SCAPER: variants seen among roughly 807,000 people sequenced by gnomAD.
SCAPER encodes the protein S phase cyclin A-associated protein in the endoplasmic reticulum.
In SCAPER, 98 loss-of-function variants were observed where a neutral mutation model predicts 182.2. The ratio of observed to expected loss-of-function variants is 0.54; its 90% CI spans 0.46 to 0.64. SCAPER has a LOEUF of 0.64. Ranked by LOEUF, SCAPER falls within the 30% of genes least tolerant of loss-of-function variation. The probability of loss-of-function intolerance (pLI) is 0.00; values close to 1 mark genes in which losing one functional copy is unlikely to be tolerated. For missense variants in SCAPER, 1,432 were observed against 1,690.0 expected, an observed-to-expected ratio of 0.85 and a Z score of 2.68; for synonymous variants, 605 against 564.6, an observed-to-expected ratio of 1.07 and a Z score of -1.01.
intron 21 of SCAPER, among the ~76,000 whole-genome samples, chr15:76,633,750 C>A (rs769663391): frequency 4.6e-5 from 7 of 152,188 alleles, no homozygotes; most frequent in Non-Finnish European, 8.8e-5. Context: ...TGCTCCCTGT[C>A]CAAAATGCCC....
intron 2 of SCAPER, among the ~76,000 whole-genome samples, chr15:76,874,495 CAA>C (rs1315082065): frequency 2.0e-5 from 3 of 146,680 alleles, no homozygotes; most frequent in Non-Finnish European, 4.5e-5. Flanking sequence ...AAAAAAAAAA[CAA>C]AAGTGAGTTA....
intron 25 of SCAPER, 104 bp from the exon 26 acceptor site, chr15:76,434,414 A>G (rs965080991): frequency 1.2e-6 from 1 of 845,296 alleles, no homozygotes; most frequent in Non-Finnish European, 1.8e-6. Flanking sequence ...TTGACAATCT[A>G]AAATGTTCAA....
intron 26 of SCAPER, among the ~76,000 whole-genome samples, chr15:76,427,593 C>A (rs535313034): frequency 8.1e-4 from 123 of 152,206 alleles, no homozygotes; most frequent in African/African-American, 2.8e-3. Flanking sequence ...TGCTTGTAAT[C>A]CTAGCACTTT....
At chr15:76,886,736 G>C (rs551360063) in intron 1 of SCAPER, among the ~76,000 whole-genome samples, 199 of 152,266 alleles carry the variant, frequency 1.3e-3, no homozygotes, top group Non-Finnish European at 1.8e-3. Flanking sequence ...CAATAGCAAA[G>C]ACATGGAATC....
chr15:76,621,896 G>C, intron 21 of SCAPER, 67 bp from the exon 22 acceptor site: 1 of 1,162,898 alleles, frequency 8.6e-7, no homozygotes, highest in Non-Finnish European at 1.2e-6. Flanking sequence ...CAAAATGTTG[G>C]CTGTATTTTT....
chr15:76,877,294 T>C (rs565760135), intron 2 of SCAPER, among the ~76,000 whole-genome samples: 1 of 151,370 alleles, frequency 6.6e-6, no homozygotes, highest in South Asian at 2.1e-4. Context: ...TAAATAATGA[T>C]TATGTTAGAT....
At chr15:76,627,455 CCT>C (rs914401195) in intron 21 of SCAPER, among the ~76,000 whole-genome samples, 34 of 152,106 alleles carry the variant, frequency 2.2e-4, no homozygotes, top group Admixed American at 3.3e-4. Context: ...AACCACACCC[CCT>C]GACAGGCCCC....
At position 76,879,581 on chromosome 15, in the gene SCAPER, A is replaced by G. The variant is rs147597110; in HGVS notation, c.6+4231T>C. Among the ~76,000 whole-genome samples, 97 of 152,340 alleles carry G rather than the reference A, an allele frequency of 6.4e-4. 2 individuals carry two copies. The highest frequency in any genetic ancestry group is 2.2e-3 in the African/African-American group (90 of 41,576). On this transcript the variant is annotated intron_variant, in intron 2 of 31. Transcript: ENST00000563290. ...AGACAGCAAGCCTTAAAATAATGGC[A>G]ACAGAACAGAAGCCAGAGTAAGTGG...
chr15:76,596,991 T>C (rs2049559069), intron 22 of SCAPER, among the ~76,000 whole-genome samples: 1 of 121,584 alleles, frequency 8.2e-6, no homozygotes. Context: ...ATAAAGAGTA[T>C]TCAAATAGGA....
chr15:76,765,859 A>G (rs543591854), intron 11 of SCAPER, among the ~76,000 whole-genome samples: 22 of 152,362 alleles, frequency 1.4e-4, no homozygotes, highest in African/African-American at 5.3e-4. Flanking sequence ...TTAACAGCAG[A>G]GACAAATGAA....
intron 25 of SCAPER, among the ~76,000 whole-genome samples, chr15:76,441,911 G>A (rs185233854): frequency 6.6e-5 from 10 of 152,182 alleles, no homozygotes; most frequent in African/African-American, 1.9e-4. Context: ...CAGACATGTA[G>A]TAGATGTTCA....
chr15:76,775,476 T>C (rs2063695205), intron 8 of SCAPER, among the ~76,000 whole-genome samples: 1 of 152,166 alleles, frequency 6.6e-6, no homozygotes, highest in Non-Finnish European at 1.5e-5. Flanking sequence ...ATCATACCCA[T>C]TTAAGCAATG....
At chr15:76,370,948 C>T (rs182245335) in intron 29 of SCAPER, among the ~76,000 whole-genome samples, 1 of 152,268 alleles carries the variant, frequency 6.6e-6, no homozygotes, top group African/African-American at 2.4e-5. Flanking sequence ...CTTGGTGAAC[C>T]CGCATCATCT....
intron 14 of SCAPER, among the ~76,000 whole-genome samples, chr15:76,758,460 T>C (rs2062580553): frequency 6.6e-6 from 1 of 152,200 alleles, no homozygotes; most frequent in Non-Finnish European, 1.5e-5. Flanking sequence ...GTTTGTATGC[T>C]AGTGCCAAAT....
At chr15:76,485,585 C>T (rs1409211425) in intron 24 of SCAPER, among the ~76,000 whole-genome samples, 1 of 152,104 alleles carries the variant, frequency 6.6e-6, no homozygotes, top group Non-Finnish European at 1.5e-5. Flanking sequence ...CCAGGCAATC[C>T]TAAGCAAAGG....
Position 76,865,582 on chromosome 15 carries a change from C to T in SCAPER, c.7-3049G>A, listed in dbSNP as rs144054810. Among the ~76,000 whole-genome samples the T allele has an allele frequency of 8.0e-4, 122 of 152,098 alleles. 1 individual carries two copies. The highest frequency in any genetic ancestry group is 2.7e-3 in the African/African-American group (114 of 41,508). On this transcript the variant is annotated intron_variant, in intron 2 of 31. Transcript: ENST00000563290. Reference sequence around the variant, plus strand: ...AGTGATAGTATATCATACTTTCATACTGATGGGGATGATCCAGTACAGAGA... The same window carrying T: ...AGTGATAGTATATCATACTTTCATATTGATGGGGATGATCCAGTACAGAGA...
intron 20 of SCAPER, among the ~76,000 whole-genome samples, chr15:76,688,698 C>T (rs1324982543): frequency 6.6e-6 from 1 of 152,040 alleles, no homozygotes; most frequent in Non-Finnish European, 1.5e-5. Flanking sequence ...AATCCTCTCC[C>T]CATTGCTTGT....
At chr15:76,757,208 A>G (rs958126466) in intron 14 of SCAPER, among the ~76,000 whole-genome samples, 2 of 152,144 alleles carry the variant, frequency 1.3e-5, no homozygotes, top group Non-Finnish European at 2.9e-5. Context: ...ATGATGTTGT[A>G]CATTACCTCA....
intron 23 of SCAPER, among the ~76,000 whole-genome samples, chr15:76,565,064 C>T (rs1052067357): frequency 1.3e-5 from 2 of 151,924 alleles, no homozygotes; most frequent in African/African-American, 4.8e-5. Flanking sequence ...AACTAAAAAC[C>T]CTGGAAGACA....
Sources: allele counts gnomAD v4.1 joint callset (sites outside exome capture counted in the v4.1 genomes callset), GRCh38; gene constraint gnomAD v4.1.1; transcripts MANE v1.5; gene names NCBI Gene and HGNC (gene_info 2026-07-23, HGNC 2026-07-21).